MTSS1: variants seen among roughly 807,000 people sequenced by gnomAD.
MTSS1 encodes the protein MTSS I-BAR domain containing 1, also known as protein MTSS 1.
In MTSS1, 18 loss-of-function variants were observed where a neutral mutation model predicts 79.0. The ratio of observed to expected loss-of-function variants is 0.23; its 90% CI spans 0.16 to 0.34. The LOEUF (loss-of-function observed/expected upper bound fraction) is 0.34. MTSS1 is among the 10% of genes least tolerant of loss of function. The pLI is 1.00. For missense variants in MTSS1, 815 were observed against 986.2 expected, an observed-to-expected ratio of 0.83 and a Z score of 2.33; for synonymous variants, 341 against 368.6, an observed-to-expected ratio of 0.93 and a Z score of 0.86.
At chr8:124,690,680 A>G (rs1027946208) in intron 3 of MTSS1, among the ~76,000 whole-genome samples, 1 of 152,222 alleles carries the variant, frequency 6.6e-6, no homozygotes. Flanking sequence ...GCCAGGCATC[A>G]GTTTTTACAT....
At chr8:124,688,579 A>G (rs1827411463) in intron 3 of MTSS1, among the ~76,000 whole-genome samples, 1 of 152,264 alleles carries the variant, frequency 6.6e-6, no homozygotes, top group South Asian at 2.1e-4. Flanking sequence ...TCTTCTGCAG[A>G]AAAAGGAAGA....
chr8:124,576,121 A>G (rs1828912716), intron 6 of MTSS1, among the ~76,000 whole-genome samples: 1 of 152,208 alleles, frequency 6.6e-6, no homozygotes, highest in Non-Finnish European at 1.5e-5. Context: ...GGAATTATCT[A>G]GAAGCCAAAA....
At chr8:124,643,800 T>C (rs1020982657) in intron 3 of MTSS1, among the ~76,000 whole-genome samples, 1 of 151,592 alleles carries the variant, frequency 6.6e-6, no homozygotes, top group African/African-American at 2.4e-5. Context: ...ATTGTGTCTA[T>C]AAATATTAGG....
chr8:124,715,880 G>T (rs1831871929), intron 1 of MTSS1, among the ~76,000 whole-genome samples: 1 of 152,168 alleles, frequency 6.6e-6, no homozygotes, highest in African/African-American at 2.4e-5. Context: ...ACCTGGTGCT[G>T]CCCTGTCTTC....
At chr8:124,588,491 T>G (rs1831262675) in intron 5 of MTSS1, among the ~76,000 whole-genome samples, 2 of 152,166 alleles carry the variant, frequency 1.3e-5, no homozygotes, top group South Asian at 4.2e-4. Context: ...TCAGTGCTAT[T>G]TGCTGTGCAG....
At chr8:124,696,622 G>C (rs1828867184) in intron 3 of MTSS1, among the ~76,000 whole-genome samples, 1 of 152,148 alleles carries the variant, frequency 6.6e-6, no homozygotes, top group South Asian at 2.1e-4. Flanking sequence ...GAAGGCCGAG[G>C]CAGGTAGATC....
At chr8:124,716,804 A>G (rs1377324736) in intron 1 of MTSS1, among the ~76,000 whole-genome samples, 2 of 152,092 alleles carry the variant, frequency 1.3e-5, no homozygotes, top group Non-Finnish European at 2.9e-5. Context: ...TTTAGATGTA[A>G]TCCACGGTGG....
At chr8:124,713,165 A>G (rs1458824089) in intron 1 of MTSS1, among the ~76,000 whole-genome samples, 1 of 152,176 alleles carries the variant, frequency 6.6e-6, no homozygotes, top group Non-Finnish European at 1.5e-5. Flanking sequence ...AGTGCTCTGC[A>G]GTGGCTAGTG....
chr8:124,611,974 G>A lies in MTSS1; in HGVS notation c.209-20739C>T, dbSNP rs567966119. Among the ~76,000 whole-genome samples, 6 of 152,310 alleles carry A rather than the reference G, an allele frequency of 3.9e-5. No homozygotes were observed. The South Asian group carries it at 1.2e-3, about 32-fold the overall frequency. On this transcript the variant is annotated intron_variant, in intron 3 of 13. Coordinates refer to ENST00000518547, the MANE Select transcript of MTSS1 (RefSeq NM_014751.6). ...CTGCTGCCTGTGGGGCTCACAGAAC[G>A]CCAGAATGCAGCCCCTGGGCTTTTC...
chr8:124,560,444 T>C (rs1175792945), intron 10 of MTSS1, among the ~76,000 whole-genome samples: 2 of 152,134 alleles, frequency 1.3e-5, no homozygotes, highest in East Asian at 3.8e-4. Flanking sequence ...GTAATGGAAA[T>C]AGAAGCCCAA....
chr8:124,588,434 C>A (rs1831250923), intron 5 of MTSS1, among the ~76,000 whole-genome samples: 1 of 152,200 alleles, frequency 6.6e-6, no homozygotes, highest in African/African-American at 2.4e-5. Context: ...TTACGAAGGT[C>A]TGGTTGGCCT....
intron 3 of MTSS1, among the ~76,000 whole-genome samples, chr8:124,598,398 C>G (rs1404787624): frequency 2.0e-5 from 3 of 152,174 alleles, no homozygotes; most frequent in African/African-American, 7.2e-5. Flanking sequence ...AGTAACATCC[C>G]TCAAGTCATG....
intron 3 of MTSS1, among the ~76,000 whole-genome samples, chr8:124,695,603 A>G (rs1349782739): frequency 6.6e-6 from 1 of 152,250 alleles, no homozygotes; most frequent in Non-Finnish European, 1.5e-5. Context: ...CAGAGCTTGT[A>G]GTAGCAAATA....
chr8:124,666,082 G>A (rs1334088770), intron 3 of MTSS1, among the ~76,000 whole-genome samples: 1 of 152,182 alleles, frequency 6.6e-6, no homozygotes, highest in African/African-American at 2.4e-5. Flanking sequence ...TTAGCACCCA[G>A]CACACAGTAA....
intron 3 of MTSS1, among the ~76,000 whole-genome samples, chr8:124,653,445 C>T (rs988737430): frequency 5.3e-5 from 8 of 152,140 alleles, no homozygotes; most frequent in Admixed American, 6.5e-5. Flanking sequence ...AAAAACAAGC[C>T]GGGCATGGTG....
At position 124,552,871 on chromosome 8, in the gene MTSS1, A is replaced by G. The variant is rs1166696596; in HGVS notation, c.*121T>C. ...ATCTAAAGGTGTCGAGTACTTTCAAAAGAGCTATATTCCGAGTTGCCTACA... is the reference window on the plus strand; with the variant it reads ...ATCTAAAGGTGTCGAGTACTTTCAAGAGAGCTATATTCCGAGTTGCCTACA... On this transcript the variant is annotated 3_prime_UTR_variant, in exon 14 of 14. Transcript: ENST00000518547. 1.1e-6 allele frequency: 1 copy of G among 945,336 alleles called. No individual in the cohort carries two copies. Among genetic ancestry groups the G allele is most frequent in the East Asian group, 2.6e-5 (1 of 38,936 alleles). The allele number at this position is 945,336 out of a possible 1,614,324, so 58.6% of individuals were successfully genotyped here.
At chr8:124,687,952 T>C (rs560202914) in intron 3 of MTSS1, among the ~76,000 whole-genome samples, 40 of 152,222 alleles carry the variant, frequency 2.6e-4, no homozygotes, top group Non-Finnish European at 5.0e-4. Flanking sequence ...CAGCATTGTA[T>C]TGAACTGTGA....
chr8:124,658,178 A>G (rs917617052), intron 3 of MTSS1, among the ~76,000 whole-genome samples: 1 of 152,154 alleles, frequency 6.6e-6, no homozygotes, highest in African/African-American at 2.4e-5. Context: ...CCCCGCCCAA[A>G]TCTCATCTTG....
intron 3 of MTSS1, among the ~76,000 whole-genome samples, chr8:124,638,285 T>C (rs1817395627): frequency 6.6e-6 from 1 of 152,226 alleles, no homozygotes; most frequent in African/African-American, 2.4e-5. Flanking sequence ...GTCAGGAAAC[T>C]GCAGTTCAAT....
Sources: gnomAD v4.1 joint callset for allele counts (sites outside exome capture counted in the v4.1 genomes callset) on GRCh38, gnomAD v4.1.1 for gene constraint, MANE v1.5 for transcripts, NCBI Gene and HGNC (gene_info 2026-07-23, HGNC 2026-07-21) for gene names.